TASP1: variants seen among roughly 807,000 people sequenced by gnomAD.
TASP1 encodes the protein taspase 1.
In TASP1, 16 loss-of-function variants were observed where a neutral mutation model predicts 56.6. The ratio of observed to expected loss-of-function variants is 0.28; its 90% CI spans 0.19 to 0.43. The LOEUF (loss-of-function observed/expected upper bound fraction) is 0.43. Among genes scored for constraint, TASP1 ranks in the 20% least tolerant of loss-of-function variants. The pLI, the probability that TASP1 is intolerant of heterozygous loss-of-function variation, is 1.00. For missense variants in TASP1, 393 were observed against 511.6 expected, an observed-to-expected ratio of 0.77 and a Z score of 2.24; for synonymous variants, 179 against 184.2, an observed-to-expected ratio of 0.97 and a Z score of 0.23.
the TASP1 span, among the ~76,000 whole-genome samples, chr20:13,351,818 C>T: frequency 6.6e-6 from 1 of 152,094 alleles, no homozygotes; most frequent in African/African-American, 2.4e-5. Context: ...TTTGTGTCAC[C>T]ATAGAACAGT....
chr20:13,490,784 C>G (rs2043499263), intron 10 of TASP1, among the ~76,000 whole-genome samples: 1 of 151,834 alleles, frequency 6.6e-6, no homozygotes, highest in Non-Finnish European at 1.5e-5. Flanking sequence ...AGCAGGGTGA[C>G]TTTGGGTTAT....
chr20:13,314,484 T>C, the TASP1 span, among the ~76,000 whole-genome samples: 5 of 151,612 alleles, frequency 3.3e-5, no homozygotes, highest in Middle Eastern at 3.4e-3. Flanking sequence ...ATTTAAAGTA[T>C]TGAGAGAGAG....
the TASP1 span, among the ~76,000 whole-genome samples, chr20:13,252,717 T>A: frequency 6.6e-6 from 1 of 151,940 alleles, no homozygotes; most frequent in Non-Finnish European, 1.5e-5. Flanking sequence ...ACTGCACCAC[T>A]TGCACTCCAG....
chr20:13,309,996 A>T, the TASP1 span, among the ~76,000 whole-genome samples: 21 of 152,330 alleles, frequency 1.4e-4, no homozygotes, highest in South Asian at 4.3e-3. Context: ...AATTTATATC[A>T]CAAAAATGTC....
At chr20:13,579,042 A>C (rs2047025283) in intron 6 of TASP1, among the ~76,000 whole-genome samples, 1 of 152,184 alleles carries the variant, frequency 6.6e-6, no homozygotes, top group Non-Finnish European at 1.5e-5. Flanking sequence ...TACATGGTTT[A>C]TGCTATTTTT....
At chr20:13,632,634 C>T (rs2049141629) in intron 1 of TASP1, among the ~76,000 whole-genome samples, 1 of 152,100 alleles carries the variant, frequency 6.6e-6, no homozygotes, top group Non-Finnish European at 1.5e-5. Flanking sequence ...AAAATCCTGG[C>T]CCTAAAGTTC....
the TASP1 span, among the ~76,000 whole-genome samples, chr20:13,170,106 CACTT>C: frequency 2.0e-5 from 3 of 152,146 alleles, no homozygotes; most frequent in Non-Finnish European, 2.9e-5. Flanking sequence ...CATTTTTAGA[CACTT>C]ACCACATGCC....
chr20:13,482,387 C>G (rs1403725394), intron 11 of TASP1, among the ~76,000 whole-genome samples: 1 of 152,084 alleles, frequency 6.6e-6, no homozygotes, highest in African/African-American at 2.4e-5. Context: ...TTTGGCTATT[C>G]TGGGTCTTTT....
the TASP1 span, among the ~76,000 whole-genome samples, chr20:13,310,017 A>G: frequency 2.0e-5 from 3 of 152,206 alleles, no homozygotes; most frequent in East Asian, 5.8e-4. Context: ...CATATTACCC[A>G]AAGCAATCTA....
intron 8 of TASP1, among the ~76,000 whole-genome samples, chr20:13,541,775 G>A (rs2045630817): frequency 6.6e-6 from 1 of 152,014 alleles, no homozygotes; most frequent in African/African-American, 2.4e-5. Flanking sequence ...ATGAAGAAGG[G>A]AAATAAATGA....
At chr20:13,375,610 T>C in the TASP1 span, among the ~76,000 whole-genome samples, 3 of 152,216 alleles carry the variant, frequency 2.0e-5, no homozygotes, top group Non-Finnish European at 4.4e-5. Flanking sequence ...GTAATTAGAT[T>C]GCTGAGTCAA....
chr20:13,539,106 C>T (rs2045525798), intron 8 of TASP1, among the ~76,000 whole-genome samples: 1 of 152,098 alleles, frequency 6.6e-6, no homozygotes, highest in Admixed American at 6.6e-5. Context: ...CTGCATGAAA[C>T]CAGCAAAAAT....
chr20:13,350,798 TCTC>T, the TASP1 span, among the ~76,000 whole-genome samples: 1 of 151,924 alleles, frequency 6.6e-6, no homozygotes, highest in Non-Finnish European at 1.5e-5. Context: ...CACATGAGAT[TCTC>T]CTGCCTTAGC....
At chr20:13,351,193 T>G in the TASP1 span, among the ~76,000 whole-genome samples, 1 of 152,180 alleles carries the variant, frequency 6.6e-6, no homozygotes, top group Non-Finnish European at 1.5e-5. Context: ...TTGACAAACA[T>G]GCAGAGCTAC....
chr20:13,177,303 T>C, the TASP1 span, among the ~76,000 whole-genome samples: 5 of 151,276 alleles, frequency 3.3e-5, no homozygotes, highest in African/African-American at 9.7e-5. Flanking sequence ...TGCTCATGGA[T>C]TGGAAGAATT....
the TASP1 span, among the ~76,000 whole-genome samples, chr20:13,359,999 C>T: frequency 3.9e-3 from 588 of 152,204 alleles, 7 homozygotes; most frequent in African/African-American, 0.012. Flanking sequence ...TGCTACAGCA[C>T]GGCCTTTTAA....
intron 11 of TASP1, among the ~76,000 whole-genome samples, chr20:13,465,896 TG>T (rs2044237321): frequency 6.6e-6 from 1 of 152,166 alleles, no homozygotes; most frequent in Non-Finnish European, 1.5e-5. Flanking sequence ...GAGGGATTCT[TG>T]TGATGATTAA....
Position 13,518,326 on chromosome 20 carries a change from GA to G in TASP1, c.874+10106del, listed in dbSNP as rs374946509. 3.2e-3 allele frequency among the ~76,000 whole-genome samples: 493 copies of G among 152,154 alleles called. 2 individuals carry two copies. Among genetic ancestry groups the G allele is most frequent in the East Asian group, 0.012 (60 of 5,176 alleles). ...CTAAGAGCAATGTATTTAACTCCTTGACTAGTTTTGCCTCTCAGCGTCTGGA... is the reference window on the plus strand; with the variant it reads ...CTAAGAGCAATGTATTTAACTCCTTGCTAGTTTTGCCTCTCAGCGTCTGGA... On this transcript the variant is annotated intron_variant, in intron 10 of 13. Transcript: ENST00000337743.
intron 11 of TASP1, among the ~76,000 whole-genome samples, chr20:13,479,886 C>T (rs1345881569): frequency 6.6e-6 from 1 of 152,048 alleles, no homozygotes; most frequent in African/African-American, 2.4e-5. Flanking sequence ...AGAAACCATC[C>T]GTATTTGCCC....
Sources: gnomAD v4.1 joint callset for allele counts (sites outside exome capture counted in the v4.1 genomes callset) on GRCh38, gnomAD v4.1.1 for gene constraint, MANE v1.5 for transcripts, NCBI Gene and HGNC (gene_info 2026-07-23, HGNC 2026-07-21) for gene names.